SLC4A5: variants seen among roughly 807,000 people sequenced by gnomAD.
SLC4A5 encodes the protein solute carrier family 4 member 5.
A neutral mutation model predicts 120.4 loss-of-function variants in SLC4A5; 96 were observed. The ratio of observed to expected loss-of-function variants is 0.80; its 90% CI spans 0.68 to 0.94. The LOEUF is 0.94. SLC4A5 is among the 40% of genes least tolerant of loss of function. The probability of loss-of-function intolerance (pLI) is 0.00; values close to 1 mark genes in which losing one functional copy is unlikely to be tolerated. For synonymous variants in SLC4A5, 550 were observed against 571.1 expected, an observed-to-expected ratio of 0.96 and a Z score of 0.53; for missense variants, 1,259 against 1,459.5, an observed-to-expected ratio of 0.86 and a Z score of 2.24.
intron 10 of SLC4A5, among the ~76,000 whole-genome samples, chr2:74,263,190 C>G (rs2104042028): frequency 6.6e-6 from 1 of 152,328 alleles, no homozygotes; most frequent in Non-Finnish European, 1.5e-5. Context: ...CAGGTGTGTG[C>G]CACCACACTT....
At chr2:74,283,169 A>T (rs1671867617) in intron 8 of SLC4A5, among the ~76,000 whole-genome samples, 2 of 152,246 alleles carry the variant, frequency 1.3e-5, no homozygotes, top group Admixed American at 1.3e-4. Flanking sequence ...GGAAAGGAAG[A>T]CAAAGTCCAT....
chr2:74,314,400 C>T (rs1016758694), intron 6 of SLC4A5, among the ~76,000 whole-genome samples: 6 of 152,018 alleles, frequency 3.9e-5, no homozygotes, highest in Non-Finnish European at 5.9e-5. Context: ...TGCAGCTCAC[C>T]GAGCCTCTAG....
At chr2:74,272,291 A>G (rs952239382) in intron 8 of SLC4A5, among the ~76,000 whole-genome samples, 2 of 152,178 alleles carry the variant, frequency 1.3e-5, no homozygotes, top group African/African-American at 2.4e-5. Context: ...ATTCTGCTAT[A>G]TACTACTTTT....
chr2:74,283,697 C>G (rs910371202), intron 8 of SLC4A5, among the ~76,000 whole-genome samples: 3 of 152,144 alleles, frequency 2.0e-5, no homozygotes, highest in African/African-American at 7.2e-5. Context: ...GACCTGGGCA[C>G]GGTTGAGTCT....
Position 74,290,546 on chromosome 2 carries a change from GTGTT to G in SLC4A5, c.272-4648_272-4645del, listed in dbSNP as rs1384809165. On this transcript the variant is annotated intron_variant, in intron 7 of 30. Coordinates refer to ENST00000394019, the Ensembl canonical transcript of SLC4A5. The stretch of plus-strand genomic sequence containing the variant: ...TAAGTGTGAGAAAGATTATGCAAAA[GTGTT>G]TGAGAGAGAAAAGCTACACTGAGTT... 1.2e-5 allele frequency: 12 copies of G among 984,844 alleles called. No individual in the cohort carries two copies. The Middle Eastern group carries it at 2.1e-3, about 172-fold the overall frequency. The allele number at this position is 984,844 out of a possible 1,614,324, so 61.0% of individuals were successfully genotyped here.
At chr2:74,244,547 C>CCTCTT (rs753249911) in intron 19 of SLC4A5, among the ~76,000 whole-genome samples, 1 of 150,424 alleles carries the variant, frequency 6.6e-6, no homozygotes, top group East Asian at 1.9e-4. Flanking sequence ...TCTCTTTCCT[C>CCTCTT]CTCTTCTCTT....
intron 4 of SLC4A5, 88 bp from the exon 5 acceptor site, chr2:74,328,274 G>T: frequency 1.2e-6 from 1 of 839,724 alleles, no homozygotes; most frequent in Non-Finnish European, 1.4e-6. Context: ...CTCAGTGGCG[G>T]CCAGCCATGT....
intron 8 of SLC4A5, among the ~76,000 whole-genome samples, chr2:74,283,979 A>T (rs115772908): frequency 0.014 from 2,122 of 151,904 alleles, 27 homozygotes; most frequent in Non-Finnish European, 0.022. Flanking sequence ...CTGAGACTAC[A>T]GGTGTGTGCC....
chr2:74,256,516 C>T (rs75876371), intron 12 of SLC4A5, among the ~76,000 whole-genome samples: 168 of 152,322 alleles, frequency 1.1e-3, no homozygotes, highest in South Asian at 2.1e-3. Flanking sequence ...AAATTCATCA[C>T]TTCTGGAATT....
At chr2:74,313,813 A>G (rs1454447387) in intron 6 of SLC4A5, among the ~76,000 whole-genome samples, 1 of 152,182 alleles carries the variant, frequency 6.6e-6, no homozygotes, top group African/African-American at 2.4e-5. Context: ...TCCAACAGCA[A>G]GTTCCTATTC....
At chr2:74,343,257 G>A (rs188889745) in intron 1 of SLC4A5, 99 bp downstream of exon 1, 1 of 152,082 alleles carries the variant, frequency 6.6e-6, no homozygotes. Flanking sequence ...TGGTGGGCTG[G>A]GGAATCTGCC....
chr2:74,263,800 G>A (rs1172822085), intron 10 of SLC4A5, among the ~76,000 whole-genome samples: 1 of 152,204 alleles, frequency 6.6e-6, no homozygotes, highest in Admixed American at 6.5e-5. Flanking sequence ...CTCTTGGGGT[G>A]CATTCTAACT....
chr2:74,238,201 T>G (rs1041208293), intron 21 of SLC4A5, among the ~76,000 whole-genome samples: 5 of 152,054 alleles, frequency 3.3e-5, no homozygotes, highest in African/African-American at 7.2e-5. Flanking sequence ...CAAAAAATGT[T>G]CAAGACTTAA....
chr2:74,240,468 G>A (rs1670402448), intron 20 of SLC4A5, among the ~76,000 whole-genome samples: 1 of 152,166 alleles, frequency 6.6e-6, no homozygotes, highest in African/African-American at 2.4e-5. Context: ...TTTCTTAGAT[G>A]TCTTTTTTAG....
Position 74,254,717 on chromosome 2 carries a change from G to A in SLC4A5, c.1026-11C>T, listed in dbSNP as rs756438918. 1.1e-5 allele frequency: 17 copies of A among 1,579,334 alleles called. No homozygotes were observed. The highest frequency in any genetic ancestry group is 1.5e-5 in the Non-Finnish European group (17 of 1,148,728). On this transcript the variant is annotated splice_polypyrimidine_tract_variant and intron_variant, in intron 13 of 30. Coordinates refer to ENST00000394019, the Ensembl canonical transcript of SLC4A5. ...AGTATAAACAGAAATCTGCAAAGAAGATGGAGGAGGAGACAGAGAAGATTA... is the reference window on the plus strand; with the variant it reads ...AGTATAAACAGAAATCTGCAAAGAAAATGGAGGAGGAGACAGAGAAGATTA...
intron 19 of SLC4A5, among the ~76,000 whole-genome samples, chr2:74,244,805 T>C (rs1455829695): frequency 1.3e-5 from 2 of 152,146 alleles, no homozygotes; most frequent in African/African-American, 2.4e-5. Flanking sequence ...TTCTAACAAG[T>C]TCCCTGATGC....
intron 7 of SLC4A5, among the ~76,000 whole-genome samples, chr2:74,301,440 GC>G (rs1445499642): frequency 6.6e-6 from 1 of 152,212 alleles, no homozygotes; most frequent in African/African-American, 2.4e-5. Flanking sequence ...TCTGCAGGAT[GC>G]CCCTGTTCTC....
chr2:74,340,867 C>T (rs1673607796), intron 2 of SLC4A5, among the ~76,000 whole-genome samples: 1 of 152,074 alleles, frequency 6.6e-6, no homozygotes, highest in Non-Finnish European at 1.5e-5. Context: ...AGGCTCCACT[C>T]CAAGTCAAGA....
chr2:74,250,732 T>C (rs760691480), intron 16 of SLC4A5: 31 of 554,290 alleles, frequency 5.6e-5, no homozygotes, highest in Non-Finnish European at 9.0e-5. Flanking sequence ...AGGGTGGACA[T>C]AGAGGGTTTT....
Sources: gnomAD v4.1 joint callset for allele counts (sites outside exome capture counted in the v4.1 genomes callset) on GRCh38, gnomAD v4.1.1 for gene constraint, MANE v1.5 for transcripts, NCBI Gene and HGNC (gene_info 2026-07-23, HGNC 2026-07-21) for gene names.